The following C12orf42 variants were observed in gnomAD, a reference collection of about 807,000 sequenced individuals.
C12orf42 encodes the protein uncharacterized protein C12orf42.
C12orf42 carries 25 observed loss-of-function variants against 21.6 expected under a neutral mutation model. The ratio of observed to expected loss-of-function variants is 1.16; its 90% CI spans 0.84 to 1.62. The LOEUF (loss-of-function observed/expected upper bound fraction) is 1.62. Among genes scored for constraint, C12orf42 ranks in the 40% most tolerant of loss-of-function variants. The probability of loss-of-function intolerance (pLI) is 0.00; values close to 1 mark genes in which losing one functional copy is unlikely to be tolerated. For missense variants in C12orf42, 483 were observed against 459.3 expected (o/e 1.05, Z -0.47); for synonymous variants, 174 against 175.0 (o/e 0.99, Z 0.05).
At chr12:103,260,158 C>T (rs915099099) in intron 10 of C12orf42, among the ~76,000 whole-genome samples, 5 of 152,090 alleles carry the variant, frequency 3.3e-5, no homozygotes, top group African/African-American at 1.2e-4. Context: ...CCAGAAACAT[C>T]TTTATAAAAT....
At chr12:103,367,819 CACAATGTGAT>C (rs2044761014) in intron 4 of C12orf42, among the ~76,000 whole-genome samples, 1 of 151,834 alleles carries the variant, frequency 6.6e-6, no homozygotes, top group Non-Finnish European at 1.5e-5. Context: ...GAGTGTGTAC[CACAATGTGAT>C]ACTCAAAAAA....
rs183372509 is a variant in C12orf42, at chr12:103,409,023, T to C, written c.79-7348A>G. 9.2e-5 allele frequency among the ~76,000 whole-genome samples: 14 copies of C among 152,344 alleles called. No homozygotes were observed. In the East Asian group the frequency reaches 2.7e-3, roughly 29 times the overall value. The stretch of plus-strand genomic sequence containing the variant: ...ACAGGAATAAAGAGAGTTAGGGTTT[T>C]AGTTAACCGCATATTTCATGTTTTA... On this transcript the variant is annotated intron_variant, in intron 2 of 5. Coordinates refer to ENST00000548883, the MANE Select transcript of C12orf42 (RefSeq NM_198521.5).
intron 4 of C12orf42, among the ~76,000 whole-genome samples, chr12:103,287,347 A>G (rs1192923687): frequency 6.6e-6 from 1 of 152,274 alleles, no homozygotes; most frequent in Non-Finnish European, 1.5e-5. Context: ...AATGTGGCAC[A>G]TAGACGCCAT....
At chr12:103,211,941 T>G in the C12orf42 span, among the ~76,000 whole-genome samples, 1 of 152,332 alleles carries the variant, frequency 6.6e-6, no homozygotes, top group South Asian at 2.1e-4. Flanking sequence ...TTATAATTTT[T>G]TCTTTCATAA....
the C12orf42 span, among the ~76,000 whole-genome samples, chr12:103,169,080 A>C: frequency 6.6e-6 from 1 of 152,066 alleles, no homozygotes; most frequent in Non-Finnish European, 1.5e-5. Flanking sequence ...TGATTGGTGC[A>C]GCAAACCACC....
chr12:103,548,381 T>C, the C12orf42 span, among the ~76,000 whole-genome samples: 1 of 152,208 alleles, frequency 6.6e-6, no homozygotes, highest in South Asian at 2.1e-4. Flanking sequence ...AAGATAGCAA[T>C]TGAATATAAT....
At chr12:103,076,432 C>A in the C12orf42 span, among the ~76,000 whole-genome samples, 1 of 151,946 alleles carries the variant, frequency 6.6e-6, no homozygotes, top group African/African-American at 2.4e-5. Flanking sequence ...GCCAGTCAAA[C>A]CCATTGTGCA....
At chr12:103,065,133 C>A in the C12orf42 span, among the ~76,000 whole-genome samples, 19 of 152,192 alleles carry the variant, frequency 1.2e-4, no homozygotes, top group African/African-American at 4.3e-4. Context: ...ATTGCAGAGA[C>A]TAGTGACACC....
At chr12:103,243,442 C>T (rs1042115671) in intron 10 of C12orf42, among the ~76,000 whole-genome samples, 3 of 152,036 alleles carry the variant, frequency 2.0e-5, no homozygotes, top group Non-Finnish European at 2.9e-5. Context: ...CAAATACATT[C>T]ACATTATCTG....
At chr12:103,435,127 C>T (rs981809789) in intron 2 of C12orf42, among the ~76,000 whole-genome samples, 4 of 152,120 alleles carry the variant, frequency 2.6e-5, no homozygotes, top group African/African-American at 9.7e-5. Flanking sequence ...GGAGGCACCC[C>T]CCAGCAGAGG....
the C12orf42 span, among the ~76,000 whole-genome samples, chr12:103,192,200 A>G: frequency 6.6e-6 from 1 of 152,184 alleles, no homozygotes; most frequent in Non-Finnish European, 1.5e-5. Flanking sequence ...TATGCCACCA[A>G]CAAGAAACCA....
the C12orf42 span, among the ~76,000 whole-genome samples, chr12:103,502,788 A>G: frequency 4.6e-5 from 7 of 152,176 alleles, no homozygotes; most frequent in Non-Finnish European, 8.8e-5. Flanking sequence ...ACCTCTGGGG[A>G]TTCTGATATG....
chr12:103,538,099 A>C, the C12orf42 span, among the ~76,000 whole-genome samples: 1 of 152,276 alleles, frequency 6.6e-6, no homozygotes, highest in Non-Finnish European at 1.5e-5. Context: ...GAGATCACTT[A>C]TAACCTTGTT....
At chr12:103,256,716 C>T (rs2034636018) in intron 10 of C12orf42, among the ~76,000 whole-genome samples, 1 of 152,134 alleles carries the variant, frequency 6.6e-6, no homozygotes, top group Non-Finnish European at 1.5e-5. Flanking sequence ...ACAGGAAACA[C>T]CTATGGAGAA....
At chr12:103,369,945 C>A (rs560271143) in intron 3 of C12orf42, among the ~76,000 whole-genome samples, 2 of 152,176 alleles carry the variant, frequency 1.3e-5, no homozygotes, top group East Asian at 3.9e-4. Context: ...AACAGACAAC[C>A]TACAGAAAAG....
chr12:103,555,925 C>T, the C12orf42 span, among the ~76,000 whole-genome samples: 1 of 152,024 alleles, frequency 6.6e-6, no homozygotes, highest in African/African-American at 2.4e-5. Context: ...GTGTGCAGGA[C>T]AGCAGCTCCT....
chr12:103,154,490 A>G, the C12orf42 span, among the ~76,000 whole-genome samples: 3 of 152,140 alleles, frequency 2.0e-5, no homozygotes, highest in Non-Finnish European at 1.5e-5. Flanking sequence ...CATTCCATCA[A>G]ATTTTTTTTT....
At chr12:103,403,150 C>A (rs919134152) in intron 2 of C12orf42, among the ~76,000 whole-genome samples, 1 of 151,910 alleles carries the variant, frequency 6.6e-6, no homozygotes, top group Non-Finnish European at 1.5e-5. Context: ...CCGAGGCGGG[C>A]GGATCACGAG....
downstream of C12orf42, among the ~76,000 whole-genome samples, chr12:103,299,121 C>T (rs1390669126): frequency 6.6e-6 from 1 of 151,934 alleles, no homozygotes; most frequent in African/African-American, 2.4e-5. Context: ...TATATACTAG[C>T]TTTCATAATA....
Sources: gnomAD v4.1 joint callset for allele counts (sites outside exome capture counted in the v4.1 genomes callset) on GRCh38, gnomAD v4.1.1 for gene constraint, MANE v1.5 for transcripts, NCBI Gene and HGNC (gene_info 2026-07-23, HGNC 2026-07-21) for gene names.